The following DNM3 variants were observed in gnomAD, a reference collection of about 807,000 sequenced individuals.
DNM3 encodes the protein dynamin 3.
A neutral mutation model predicts 101.6 loss-of-function variants in DNM3; 47 were observed. The observed-to-expected ratio is 0.46, with a 90% CI of 0.37 to 0.59. The LOEUF (loss-of-function observed/expected upper bound fraction) is 0.59, where lower values mean the gene tolerates loss of function less well. DNM3 is among the 20% of genes least tolerant of loss of function. The pLI is 0.00. For missense variants in DNM3, 849 were observed against 1,085.7 expected (o/e 0.78, Z 3.06); for synonymous variants, 385 against 387.9 (o/e 0.99, Z 0.09).
Position 171,987,859 on chromosome 1 carries a change from T to G in DNM3, c.385+54T>G, listed in dbSNP as rs1017974112. 5 of 1,451,642 alleles carry G rather than the reference T, an allele frequency of 3.4e-6. No individual in the cohort carries two copies. In the African/African-American group the frequency reaches 7.1e-5, roughly 21 times the overall value. 89.9% of individuals were successfully genotyped at this position (1,451,642 alleles called of 1,614,324 possible). ...TTCTCCTCAAACATTTATACTACAT[T>G]AATTAACATACATCATTTGTACAGA... is the stretch of plus-strand genomic sequence containing the variant. On this transcript the variant is annotated intron_variant, in intron 3 of 20. Coordinates refer to ENST00000627582, the MANE Select transcript of DNM3 (RefSeq NM_015569.5).
chr1:172,101,127 G>A (rs1055917503), intron 13 of DNM3, among the ~76,000 whole-genome samples: 7 of 152,156 alleles, frequency 4.6e-5, no homozygotes, highest in African/African-American at 1.7e-4. Flanking sequence ...AAGGATAGAC[G>A]CTGGAGAAGG....
At chr1:172,031,835 T>G (rs2125797569) in intron 4 of DNM3, among the ~76,000 whole-genome samples, 2 of 152,298 alleles carry the variant, frequency 1.3e-5, no homozygotes, top group South Asian at 4.1e-4. Flanking sequence ...TTCCATTAAA[T>G]CATATTTCCT....
chr1:171,968,213 A>C (rs944628901), intron 2 of DNM3, among the ~76,000 whole-genome samples: 9 of 152,246 alleles, frequency 5.9e-5, no homozygotes, highest in Non-Finnish European at 2.9e-5. Context: ...GCTTCTAATC[A>C]GTATGATTCT....
At chr1:172,201,819 G>A (rs2060163726) in intron 14 of DNM3, among the ~76,000 whole-genome samples, 1 of 152,168 alleles carries the variant, frequency 6.6e-6, no homozygotes, top group African/African-American at 2.4e-5. Flanking sequence ...CAGGCCTGGA[G>A]GACCTGTCTA....
intron 1 of DNM3, among the ~76,000 whole-genome samples, chr1:171,882,510 A>T (rs533924875): frequency 1.3e-5 from 2 of 152,024 alleles, no homozygotes; most frequent in South Asian, 4.2e-4. Flanking sequence ...CTTTACTCCT[A>T]AACATTTCAG....
At chr1:172,176,729 A>T (rs2059164888) in intron 14 of DNM3, among the ~76,000 whole-genome samples, 1 of 151,886 alleles carries the variant, frequency 6.6e-6, no homozygotes. Flanking sequence ...AAGATAACTA[A>T]TTAGTACAGA....
intron 4 of DNM3, among the ~76,000 whole-genome samples, chr1:172,027,969 A>G (rs993597989): frequency 3.3e-5 from 5 of 152,172 alleles, no homozygotes; most frequent in Non-Finnish European, 5.9e-5. Context: ...CCACATAATA[A>G]TAGTGGGATA....
At chr1:172,292,382 AAT>A (rs2063957021) in intron 15 of DNM3, among the ~76,000 whole-genome samples, 1 of 152,176 alleles carries the variant, frequency 6.6e-6, no homozygotes, top group South Asian at 2.1e-4. Flanking sequence ...TACATTAGCA[AAT>A]ATTTATTGTC....
intron 13 of DNM3, chr1:172,093,556 C>A: frequency 1.6e-6 from 1 of 623,556 alleles, no homozygotes; most frequent in Non-Finnish European, 2.6e-6. Context: ...AAAAAACTTT[C>A]AGAGGTACAA....
At chr1:172,317,596 G>C (rs1275919182) in intron 16 of DNM3, among the ~76,000 whole-genome samples, 1 of 152,192 alleles carries the variant, frequency 6.6e-6, no homozygotes, top group African/African-American at 2.4e-5. Context: ...TACCATCAGA[G>C]AATACTACCA....
chr1:171,863,698 C>T (rs899335551), intron 1 of DNM3, among the ~76,000 whole-genome samples: 5 of 152,248 alleles, frequency 3.3e-5, no homozygotes, highest in Non-Finnish European at 5.9e-5. Context: ...TCCTGCTGAA[C>T]GACTAAGGTT....
At chr1:171,975,967 C>A (rs969651142) in intron 2 of DNM3, among the ~76,000 whole-genome samples, 1 of 151,970 alleles carries the variant, frequency 6.6e-6, no homozygotes, top group Non-Finnish European at 1.5e-5. Context: ...TAGCAAGACC[C>A]TATCTCTTAA....
intron 14 of DNM3, among the ~76,000 whole-genome samples, chr1:172,212,941 G>C (rs569062364): frequency 6.6e-6 from 1 of 152,102 alleles, no homozygotes; most frequent in African/African-American, 2.4e-5. Flanking sequence ...AGAGATCGTC[G>C]TGTAGTCAAA....
At chr1:172,317,794 G>A (rs1472563514) in intron 16 of DNM3, among the ~76,000 whole-genome samples, 4 of 152,230 alleles carry the variant, frequency 2.6e-5, no homozygotes, top group South Asian at 2.1e-4. Flanking sequence ...ATTCACAGCC[G>A]AATTCTACCA....
intron 17 of DNM3, among the ~76,000 whole-genome samples, chr1:172,339,668 C>T (rs1040652205): frequency 6.6e-6 from 1 of 152,306 alleles, no homozygotes; most frequent in Admixed American, 6.5e-5. Flanking sequence ...AAGAAGCCTA[C>T]AAGCCCACCG....
intron 20 of DNM3, among the ~76,000 whole-genome samples, chr1:172,399,319 G>A (rs760170205): frequency 6.6e-6 from 1 of 152,158 alleles, no homozygotes; most frequent in South Asian, 2.1e-4. Context: ...TTTTCAAGGC[G>A]TTTCAAATTC....
chr1:172,370,364 C>T (rs534491570), intron 17 of DNM3: 7 of 151,982 alleles, frequency 4.6e-5, no homozygotes, highest in South Asian at 4.1e-4. Context: ...CCATTTTCTA[C>T]TATATTTCCC....
At chr1:171,952,302 C>T (rs775640962) in intron 2 of DNM3, among the ~76,000 whole-genome samples, 6 of 152,158 alleles carry the variant, frequency 3.9e-5, no homozygotes, top group Non-Finnish European at 8.8e-5. Flanking sequence ...CAAAATATGT[C>T]AAAGAAATAT....
chr1:172,417,255 G>A (rs773497182), downstream of DNM3, among the ~76,000 whole-genome samples: 16 of 152,242 alleles, frequency 1.1e-4, no homozygotes, highest in Non-Finnish European at 1.5e-4. Flanking sequence ...TTCATTAATG[G>A]TTTGGTTAGA....
Sources: gnomAD v4.1 joint callset for allele counts (sites outside exome capture counted in the v4.1 genomes callset) on GRCh38, gnomAD v4.1.1 for gene constraint, MANE v1.5 for transcripts, NCBI Gene and HGNC (gene_info 2026-07-23, HGNC 2026-07-21) for gene names.